The following TTC23L variants were observed in gnomAD, a reference collection of about 807,000 sequenced individuals.
TTC23L encodes the protein tetratricopeptide repeat domain 23 like, also known as tetratricopeptide repeat protein 23-like.
Under a neutral mutation model 48.1 loss-of-function variants are expected in TTC23L, and 42 were observed. The ratio of observed to expected loss-of-function variants is 0.87; its 90% CI spans 0.68 to 1.13. TTC23L has a LOEUF of 1.13. Ranked by LOEUF, TTC23L falls within the 50% of genes most tolerant of loss-of-function variation. The pLI, the probability that TTC23L is intolerant of heterozygous loss-of-function variation, is 0.00. For synonymous variants in TTC23L, 159 were observed against 157.2 expected (o/e 1.01, Z -0.09); for missense variants, 391 against 421.0 (o/e 0.93, Z 0.62).
the TTC23L span, among the ~76,000 whole-genome samples, chr5:34,917,533 G>C: frequency 1.3e-5 from 2 of 152,000 alleles, no homozygotes; most frequent in South Asian, 4.2e-4. Context: ...CCAGCTACTC[G>C]GGAGTCTGAG....
the TTC23L span, chr5:34,907,861 A>G: frequency 2.0e-4 from 30 of 151,830 alleles, no homozygotes; most frequent in African/African-American, 6.8e-4. Context: ...CAATCATCTC[A>G]TACAATTAAA....
chr5:34,920,645 A>G, the TTC23L span: 1 of 152,210 alleles, frequency 6.6e-6, no homozygotes, highest in Admixed American at 6.5e-5. Flanking sequence ...GGTTTTGGAC[A>G]GCTGAGGCTA....
At chr5:34,895,224 G>T (rs1463892033) in intron 9 of TTC23L, among the ~76,000 whole-genome samples, 1 of 152,198 alleles carries the variant, frequency 6.6e-6, no homozygotes, top group Non-Finnish European at 1.5e-5. Flanking sequence ...ATCTGTGTTT[G>T]AATCCAGGCT....
chr5:34,913,924 T>C, the TTC23L span: 1 of 456,670 alleles, frequency 2.2e-6, no homozygotes, highest in South Asian at 1.6e-5. Flanking sequence ...TCACTATGAT[T>C]ACCCAGGCTG....
intron 9 of TTC23L, among the ~76,000 whole-genome samples, chr5:34,895,627 T>G (rs1763172794): frequency 6.6e-6 from 1 of 152,220 alleles, no homozygotes; most frequent in South Asian, 2.1e-4. Context: ...GGTGCCTCAA[T>G]GCCTATTAAA....
At chr5:34,924,126 C>G in the TTC23L span, among the ~76,000 whole-genome samples, 3 of 152,172 alleles carry the variant, frequency 2.0e-5, no homozygotes, top group South Asian at 6.2e-4. Context: ...ATGAGTCACA[C>G]AGTGACTCAT....
intron 9 of TTC23L, chr5:34,880,605 C>A (rs911405345): frequency 2.4e-6 from 1 of 423,904 alleles, no homozygotes; most frequent in South Asian, 1.9e-5. Context: ...AGAAAATTGG[C>A]AGCCATATGT....
intron 9 of TTC23L, among the ~76,000 whole-genome samples, chr5:34,895,411 T>C (rs1433080324): frequency 6.6e-6 from 1 of 152,232 alleles, no homozygotes; most frequent in Non-Finnish European, 1.5e-5. Context: ...TCAGCCATTT[T>C]AACAACTCTA....
chr5:34,880,156 T>C (rs1166935629), intron 8 of TTC23L, 25 bp from the exon 9 acceptor site: 1 of 1,597,932 alleles, frequency 6.3e-7, no homozygotes, highest in Non-Finnish European at 8.5e-7. Context: ...CAGCTTGCCT[T>C]AAATAATTGT....
intron 3 of TTC23L, among the ~76,000 whole-genome samples, chr5:34,847,479 T>A (rs1759304035): frequency 1.6e-5 from 1 of 63,928 alleles, no homozygotes; most frequent in African/African-American, 1.0e-4. Flanking sequence ...TCAATAACGC[T>A]GTTTTTTTTT....
At chr5:34,888,345 G>A (rs1762661186) in intron 9 of TTC23L, 1 of 263,878 alleles carries the variant, frequency 3.8e-6, no homozygotes, top group Non-Finnish European at 5.9e-6. Context: ...TGTTTGAAAT[G>A]TAAACTTGTG....
downstream of TTC23L, among the ~76,000 whole-genome samples, chr5:34,902,842 T>G (rs1230429992): frequency 6.6e-6 from 1 of 152,156 alleles, no homozygotes; most frequent in African/African-American, 2.4e-5. Context: ...ATTTTAGCCC[T>G]TTCTGGAGAT....
the TTC23L span, chr5:34,922,417 CT>C: frequency 1.1e-6 from 1 of 893,746 alleles, no homozygotes; most frequent in South Asian, 1.6e-5. Flanking sequence ...TTTCACGAAA[CT>C]TGATACCTTT....
chr5:34,891,078 G>A (rs1361431529), intron 9 of TTC23L, among the ~76,000 whole-genome samples: 2 of 147,992 alleles, frequency 1.4e-5, no homozygotes, highest in Admixed American at 1.3e-4. Context: ...GGGCCTGGAA[G>A]GTCTTAGCAG....
rs2150398084 is a variant in TTC23L, at chr5:34,863,513, T to C, written c.536+459T>C. 6.6e-6 allele frequency among the ~76,000 whole-genome samples: 1 copy of C among 152,298 alleles called. No homozygotes were observed. Among genetic ancestry groups the C allele is most frequent in the Admixed American group, 6.5e-5 (1 of 15,292 alleles). On this transcript the variant is annotated intron_variant, in intron 5 of 10. Transcript: ENST00000505624. The surrounding 1 kb of genome is among the most constrained non-coding windows in gnomAD (Gnocchi z 4.1). The stretch of plus-strand genomic sequence containing the variant: ...CTGTTCCTGCCCCAAAGATTTTGAC[T>C]GAGAGGCTCTGAGGTACATCTGTTC...
Position 34,846,600 on chromosome 5 carries a change from T to TATACAC in TTC23L, c.255+928_255+929insTACACA, listed in dbSNP as rs61009546. On this transcript the variant is annotated intron_variant, in intron 3 of 10. Transcript: ENST00000505624. Reference sequence around the variant, plus strand: ...AAATATATATATATATATATATATATACACACACATATATATACACACACA... The same window carrying TATACAC: ...AAATATATATATATATATATATATATATACACACACACACATATATATACACACACA... Among the ~76,000 whole-genome samples, 23 of 92,900 alleles carry TATACAC rather than the reference T, an allele frequency of 2.5e-4. 1 individual carries two copies. Among genetic ancestry groups the TATACAC allele is most frequent in the African/African-American group, 1.2e-3 (23 of 19,206 alleles). 60.9% of individuals were successfully genotyped at this position (92,900 alleles called of 152,430 possible).
At chr5:34,889,303 G>A (rs1393622955) in intron 9 of TTC23L, among the ~76,000 whole-genome samples, 2 of 152,082 alleles carry the variant, frequency 1.3e-5, no homozygotes, top group Non-Finnish European at 2.9e-5. Flanking sequence ...AATTCACTCA[G>A]TCTTGGAGAT....
chr5:34,908,279 TTC>T, the TTC23L span: 1 of 150,430 alleles, frequency 6.6e-6, no homozygotes, highest in East Asian at 2.0e-4. Context: ...GTTCAAGCAA[TTC>T]TCCTGCCTCA....
At chr5:34,867,773 T>C (rs1174469273) in intron 7 of TTC23L, 2 of 152,392 alleles carry the variant, frequency 1.3e-5, no homozygotes, top group East Asian at 3.8e-4. Context: ...TCTAACAGTA[T>C]ACATGAAAAC....
Sources: gnomAD v4.1 joint callset for allele counts (sites outside exome capture counted in the v4.1 genomes callset) on GRCh38, gnomAD v4.1.1 for gene constraint, Gnocchi (gnomAD v3.1) non-coding constraint, MANE v1.5 for transcripts, NCBI Gene and HGNC (gene_info 2026-07-23, HGNC 2026-07-21) for gene names.